The following RALGAPA1 variants were observed in gnomAD, a reference collection of about 807,000 sequenced individuals.
The protein encoded by RALGAPA1 is Ral GTPase activating protein catalytic subunit alpha 1.
A neutral mutation model predicts 269.6 loss-of-function variants in RALGAPA1; 52 were observed. The observed-to-expected ratio is 0.19, with a 90% CI of 0.15 to 0.24. The LOEUF is 0.24. Among genes scored for constraint, RALGAPA1 ranks in the 10% least tolerant of loss-of-function variants. The pLI, the probability that RALGAPA1 is intolerant of heterozygous loss-of-function variation, is 1.00. For missense variants in RALGAPA1, 1,917 were observed against 3,013.9 expected (o/e 0.64, Z 8.52); for synonymous variants, 817 against 1,008.3 (o/e 0.81, Z 3.60).
At chr14:35,621,243 C>T (rs532781453) in intron 35 of RALGAPA1, among the ~76,000 whole-genome samples, 2 of 152,070 alleles carry the variant, frequency 1.3e-5, no homozygotes, top group Admixed American at 1.3e-4. Context: ...ACAAACCTGA[C>T]AAAAACAAGA....
At chr14:35,730,224 A>G (rs1220253888) in intron 12 of RALGAPA1, among the ~76,000 whole-genome samples, 6 of 152,182 alleles carry the variant, frequency 3.9e-5, no homozygotes, top group Admixed American at 3.9e-4. Flanking sequence ...AAGCAGTAGG[A>G]AATGCCCTGG....
intron 1 of RALGAPA1, among the ~76,000 whole-genome samples, chr14:35,798,576 C>T (rs1476185023): frequency 6.6e-6 from 1 of 152,174 alleles, no homozygotes; most frequent in African/African-American, 2.4e-5. Context: ...TCACATGTAT[C>T]CCATAAATAT....
At chr14:35,649,473 C>T (rs2062668315) in intron 31 of RALGAPA1, among the ~76,000 whole-genome samples, 2 of 148,124 alleles carry the variant, frequency 1.4e-5, no homozygotes, top group Admixed American at 6.6e-5. Flanking sequence ...TATAATCTGG[C>T]CCCTTCCTAT....
At position 35,664,738 on chromosome 14, in the gene RALGAPA1, C is replaced by T. The variant is rs1201582652; in HGVS notation, c.5232G>A (p.Leu1744=). The T allele has an allele frequency of 6.2e-7, 1 of 1,612,196 alleles. No homozygotes were observed. Among genetic ancestry groups the T allele is most frequent in the South Asian group, 1.1e-5 (1 of 90,536 alleles). ...AGTTGGGAAAGCAAACCAAAGATCCCAGAAGAACTTGTGCTTCTACTCTTG... is the reference window on the plus strand; with the variant it reads ...AGTTGGGAAAGCAAACCAAAGATCCTAGAAGAACTTGTGCTTCTACTCTTG... The part of the protein sequence containing the change: ...NAPRVEAQVL[L]GSLVCFPNLY... Residue 1744 remains leucine (L), a synonymous_variant, in exon 27 of 42, where the codon CTG becomes CTA. Coordinates refer to ENST00000680220, the MANE Select transcript of RALGAPA1 (RefSeq NM_001346249.2).
rs148182075 is a variant in RALGAPA1, at chr14:35,808,794, G to A, written c.42C>T (p.Thr14=). 4,144 of 1,612,974 alleles carry A rather than the reference G, an allele frequency of 2.6e-3. 8 individuals carry two copies. The highest frequency in any genetic ancestry group is 3.0e-3 in the Non-Finnish European group (3,568 of 1,179,674). Residue 14 remains threonine (T), a synonymous_variant, in exon 1 of 42, where the codon ACC becomes ACT. Coordinates refer to ENST00000680220, the MANE Select transcript of RALGAPA1 (RefSeq NM_001346249.2). The part of the protein sequence containing the change: ...KKPHGDVKKS[T]QKVLDTKKDA... Reference sequence around the variant, plus strand: ...CCTTCTTGGTGTCTAGCACCTTCTGGGTGGACTTCTTCACGTCCCCGTGCG... The same window carrying A: ...CCTTCTTGGTGTCTAGCACCTTCTGAGTGGACTTCTTCACGTCCCCGTGCG...
In RALGAPA1 at chr14:35,725,371, C is replaced by G. The variant is rs181140525; in HGVS notation, c.1737-218G>C. ...AATCATTTATCGGCCACAATATCCT[C>G]TCATCAAATAAAAACCTATTCAAAA... On this transcript the variant is annotated intron_variant, in intron 13 of 41. Transcript: ENST00000680220. Among the ~76,000 whole-genome samples the G allele has an allele frequency of 2.2e-3, 335 of 152,262 alleles. 1 individual carries two copies. The highest frequency in any genetic ancestry group is 3.7e-3 in the Non-Finnish European group (249 of 68,026).
chr14:35,569,943 C>G (rs1442624525), intron 39 of RALGAPA1, among the ~76,000 whole-genome samples: 1 of 152,082 alleles, frequency 6.6e-6, no homozygotes, highest in Non-Finnish European at 1.5e-5. Flanking sequence ...TAATGGGACT[C>G]TAATTAACCA....
chr14:35,804,395 C>T (rs1293168244), intron 1 of RALGAPA1, among the ~76,000 whole-genome samples: 1 of 151,372 alleles, frequency 6.6e-6, no homozygotes, highest in Non-Finnish European at 1.5e-5. Flanking sequence ...ATGGTGAAAC[C>T]CTGTCTCTAC....
chr14:35,704,530 T>C (rs1170403094), intron 16 of RALGAPA1, among the ~76,000 whole-genome samples: 1 of 152,114 alleles, frequency 6.6e-6, no homozygotes, highest in East Asian at 1.9e-4. Context: ...AACAAAAAAA[T>C]TCTCTTACAA....
At chr14:35,588,164 C>G (rs2058423163) in intron 37 of RALGAPA1, among the ~76,000 whole-genome samples, 1 of 152,144 alleles carries the variant, frequency 6.6e-6, no homozygotes, top group African/African-American at 2.4e-5. Context: ...CTCTTGACCT[C>G]ACGTTCCGCC....
rs140366477 is a variant in RALGAPA1 at position 35,670,597 on chromosome 14, C to T, written c.5202+792G>A. Among the ~76,000 whole-genome samples the T allele has an allele frequency of 1.0e-2, 1,516 of 152,252 alleles. 21 individuals carry two copies. The highest frequency in any genetic ancestry group is 0.013 in the Non-Finnish European group (874 of 68,012). ...TACTTAGCATTGTCTCACAGTTCCA[C>T]GACCATATGAAAAAATCTTCACATG... On this transcript the variant is annotated intron_variant, in intron 26 of 41. Coordinates refer to ENST00000680220, the MANE Select transcript of RALGAPA1 (RefSeq NM_001346249.2).
Position 35,808,909 on chromosome 14 carries a change from A to T in RALGAPA1, c.-74T>A. 6.4e-7 allele frequency: 1 copy of T among 1,551,020 alleles called. No homozygotes were observed. Among genetic ancestry groups the T allele is most frequent in the East Asian group, 2.4e-5 (1 of 41,968 alleles). ...GGTCCCGGCGGCAGAAAGTGGAGGGAGTGGACGGGGAGGAGACTAGCCAGA... is the reference window on the plus strand; with the variant it reads ...GGTCCCGGCGGCAGAAAGTGGAGGGTGTGGACGGGGAGGAGACTAGCCAGA... On this transcript the variant is annotated 5_prime_UTR_variant, in exon 1 of 42. Coordinates refer to ENST00000680220, the MANE Select transcript of RALGAPA1 (RefSeq NM_001346249.2).
chr14:35,795,057 T>G (rs2076462382), intron 1 of RALGAPA1, among the ~76,000 whole-genome samples: 1 of 152,200 alleles, frequency 6.6e-6, no homozygotes, highest in Non-Finnish European at 1.5e-5. Flanking sequence ...ATGTCCAATG[T>G]CTTGAAAACT....
chr14:35,741,215 T>C (rs1305095334), intron 11 of RALGAPA1, among the ~76,000 whole-genome samples: 1 of 152,226 alleles, frequency 6.6e-6, no homozygotes, highest in African/African-American at 2.4e-5. Context: ...AGGCTCATTA[T>C]ATATGGCACA....
At chr14:35,797,178 C>G (rs1286982195) in intron 1 of RALGAPA1, among the ~76,000 whole-genome samples, 1 of 151,328 alleles carries the variant, frequency 6.6e-6, no homozygotes, top group African/African-American at 2.4e-5. Context: ...AATGGTGAAA[C>G]CCCATCTCTA....
chr14:35,809,060 T>A lies in RALGAPA1; in HGVS notation c.-225A>T. On this transcript the variant is annotated 5_prime_UTR_variant, in exon 1 of 42. Transcript: ENST00000680220. The stretch of plus-strand genomic sequence containing the variant: ...AAGGCACCTTCGGCCCCAGCTCCAA[T>A]ATGGCGGATCCCTCTCCCGGCCCTG... 1 of 669,528 alleles carries A rather than the reference T, an allele frequency of 1.5e-6. No individual in the cohort carries two copies. Among genetic ancestry groups the A allele is most frequent in the East Asian group, 3.1e-5 (1 of 32,112 alleles). 41.5% of individuals were successfully genotyped at this position (669,528 alleles called of 1,614,324 possible).
chr14:35,672,673 CAAT>C (rs571579310), intron 25 of RALGAPA1, among the ~76,000 whole-genome samples, 191 bp downstream of exon 25: 81 of 152,172 alleles, frequency 5.3e-4, no homozygotes, highest in African/African-American at 1.9e-3. Flanking sequence ...CCTCTACCTA[CAAT>C]AATAGCTTGA....
intron 41 of RALGAPA1, 80 bp from the exon 42 acceptor site, chr14:35,539,770 C>A: frequency 1.3e-6 from 2 of 1,552,220 alleles, no homozygotes; most frequent in Non-Finnish European, 1.7e-6. Flanking sequence ...TACTAATCTG[C>A]AGCAAGGATC....
At chr14:35,728,682 T>C (rs2070194294) in intron 12 of RALGAPA1, among the ~76,000 whole-genome samples, 172 bp from the exon 13 acceptor site, 1 of 151,968 alleles carries the variant, frequency 6.6e-6, no homozygotes, top group South Asian at 2.1e-4. Context: ...AATATAAAGT[T>C]AATAGTAGGT....
Sources: allele counts gnomAD v4.1 joint callset (sites outside exome capture counted in the v4.1 genomes callset), GRCh38; gene constraint gnomAD v4.1.1; transcripts MANE v1.5; gene names NCBI Gene and HGNC (gene_info 2026-07-23, HGNC 2026-07-21).